PRKCZ: variants seen among roughly 807,000 people sequenced by gnomAD.
PRKCZ encodes protein kinase C zeta.
In PRKCZ, 33 loss-of-function variants were observed where a neutral mutation model predicts 79.5. The ratio of observed to expected loss-of-function variants is 0.41; its 90% confidence interval spans 0.31 to 0.55. The LOEUF (loss-of-function observed/expected upper bound fraction) is 0.55, where lower values mean the gene tolerates loss of function less well. Among genes scored for constraint, PRKCZ ranks in the 20% least tolerant of loss-of-function variants. The pLI is 0.19. For synonymous variants in PRKCZ, 342 were observed against 320.9 expected, an observed-to-expected ratio of 1.07 and a Z score of -0.70; for missense variants, 578 against 813.5, an observed-to-expected ratio of 0.71 and a Z score of 3.52.
chr1:2,182,231 C>G (rs1459146629), intron 16 of PRKCZ: 1 of 217,012 alleles, frequency 4.6e-6, no homozygotes, highest in South Asian at 5.7e-5. Context: ...TCTTGGCCCC[C>G]CTGGGCCCTG....
rs989919229 is a variant in PRKCZ at position 2,102,508 on chromosome 1, A to G, written c.335-32754A>G. 3.3e-5 allele frequency among the ~76,000 whole-genome samples: 5 copies of G among 151,000 alleles called. No individual in the cohort carries two copies. The East Asian group carries it at 7.9e-4, about 24-fold the overall frequency. ...CCACCACGTCCCGCTAATTTTTTGT[A>G]TTTTTAGTAGAGATGGGGTTTCACT... is the stretch of plus-strand genomic sequence containing the variant. On this transcript the variant is annotated intron_variant, in intron 4 of 17. Coordinates refer to ENST00000378567, the MANE Select transcript of PRKCZ (RefSeq NM_002744.6).
In PRKCZ at chr1:2,144,344, G is replaced by A; in HGVS notation, c.552+3G>A. 4 of 1,568,890 alleles carry A rather than the reference G, an allele frequency of 2.5e-6. No homozygotes were observed. The highest frequency in any genetic ancestry group is 3.5e-6 in the Non-Finnish European group (4 of 1,156,428). On this transcript the variant is annotated splice_donor_region_variant and intron_variant, in intron 6 of 17. Transcript: ENST00000378567. ...CGCTGACCTGCAGGAAGCATATGGT[G>A]AGTGGCAGGGCTGGGGAGGCCCGGG...
At chr1:2,134,352 G>A (rs1675715565) in intron 4 of PRKCZ, among the ~76,000 whole-genome samples, 1 of 152,054 alleles carries the variant, frequency 6.6e-6, no homozygotes, top group African/African-American at 2.4e-5. Flanking sequence ...TATATTTGTG[G>A]CACTTTCATT....
At chr1:2,109,662 C>T (rs1253060431) in intron 4 of PRKCZ, among the ~76,000 whole-genome samples, 1 of 152,160 alleles carries the variant, frequency 6.6e-6, no homozygotes, top group East Asian at 1.9e-4. Context: ...TGCGGCAGCT[C>T]ACGCCCACTG....
chr1:2,174,799 A>G lies in PRKCZ; in HGVS notation c.1451A>G (p.Lys484Arg), dbSNP rs1685123838. ...PIRIPRFLSV[K>R]ASHVLKGFLN... ...CGGATCCCCCGGTTCCTGTCCGTCA[A>G]AGCCTCCCATGTTTTAAAAGGATTT... Residue 484 changes from lysine (K) to arginine (R), a missense_variant, in exon 15 of 18, where the codon AAA becomes AGA. Transcript: ENST00000378567. This position sits in a 1 kb window ranked among gnomAD's most constrained non-coding sequence, Gnocchi z 6.2. The G allele has an allele frequency of 6.2e-7, 1 of 1,614,012 alleles. No homozygotes were observed. The highest frequency in any genetic ancestry group is 8.5e-7 in the Non-Finnish European group (1 of 1,180,018).
chr1:2,184,371 T>C (rs930562583), intron 16 of PRKCZ: 9 of 517,764 alleles, frequency 1.7e-5, no homozygotes, highest in Non-Finnish European at 2.4e-5. Flanking sequence ...TGGCCGACAC[T>C]GGCATTTCTC....
At chr1:2,147,286 A>T (rs1353098019) in intron 7 of PRKCZ, among the ~76,000 whole-genome samples, 4 of 149,062 alleles carry the variant, frequency 2.7e-5, no homozygotes, top group African/African-American at 1.0e-4. Flanking sequence ...TGACCTCTCC[A>T]CCCATCTATC....
chr1:2,183,223 TCAAAA>T (rs995731215), intron 16 of PRKCZ, among the ~76,000 whole-genome samples: 1 of 151,448 alleles, frequency 6.6e-6, no homozygotes, highest in Non-Finnish European at 1.5e-5. Context: ...AGAGCGAGTC[TCAAAA>T]CAAAAACAAA....
rs182067703 is a variant in PRKCZ at position 2,162,568 on chromosome 1, C to G, written c.974+6476C>G. On this transcript the variant is annotated intron_variant, in intron 10 of 17. Transcript: ENST00000378567. ...TTCACTCACATCCTCTTTCAGGAGA[C>G]TCTTGAAGTCTTCATGTGGTTTTCT... is the stretch of plus-strand genomic sequence containing the variant. 7.8e-3 allele frequency among the ~76,000 whole-genome samples: 1,182 copies of G among 152,296 alleles called. 7 individuals carry two copies. The highest frequency in any genetic ancestry group is 0.012 in the Non-Finnish European group (830 of 68,030).
chr1:2,121,745 G>A (rs1242474182), intron 4 of PRKCZ, among the ~76,000 whole-genome samples: 1 of 53,668 alleles, frequency 1.9e-5, no homozygotes, highest in African/African-American at 8.6e-5. Context: ...GGGTCACGGC[G>A]GTGGTTAGGG....
chr1:2,174,682 G>C lies in PRKCZ; in HGVS notation c.1406-72G>C, dbSNP rs550209066. On this transcript the variant is annotated intron_variant, in intron 14 of 17. Coordinates refer to ENST00000378567, the MANE Select transcript of PRKCZ (RefSeq NM_002744.6). The surrounding 1 kb of genome is among the most constrained non-coding windows in gnomAD (Gnocchi z 6.2). The stretch of plus-strand genomic sequence containing the variant: ...TGAGCTCCCAAAGCTCTTGCTCAGA[G>C]TCAGAGTCTGGGCGGCACTGGGCAA... 1.3e-6 allele frequency: 2 copies of C among 1,491,194 alleles called. No individual in the cohort carries two copies. The highest frequency in any genetic ancestry group is 1.9e-6 in the Non-Finnish European group (2 of 1,076,132). 92.4% of individuals were successfully genotyped at this position (1,491,194 alleles called of 1,614,324 possible).
chr1:2,159,307 G>A (rs1297183525), intron 10 of PRKCZ, among the ~76,000 whole-genome samples: 2 of 152,250 alleles, frequency 1.3e-5, no homozygotes, highest in South Asian at 2.1e-4. Context: ...GGGTGTGCTC[G>A]GCTGTGCCGC....
intron 4 of PRKCZ, among the ~76,000 whole-genome samples, chr1:2,120,293 G>GTTTTTTTTTTTTTTTTT (rs59518072): frequency 9.1e-5 from 3 of 32,834 alleles, no homozygotes; most frequent in Non-Finnish European, 1.7e-4. Flanking sequence ...TTGACTTTTC[G>GTTTTTTTTTTTTTTTTT]TTTTTTTTTT....
chr1:2,161,013 C>G (rs1178074476), intron 10 of PRKCZ, among the ~76,000 whole-genome samples: 2 of 152,078 alleles, frequency 1.3e-5, no homozygotes, highest in Admixed American at 1.3e-4. Flanking sequence ...GCAAGGACAG[C>G]CTCGGCCGCG....
chr1:2,072,905 T>C (rs1254820619), intron 4 of PRKCZ, among the ~76,000 whole-genome samples: 1 of 151,508 alleles, frequency 6.6e-6, no homozygotes, highest in African/African-American at 2.4e-5. Context: ...GAGTGCCGAG[T>C]GCGTTTGGGG....
Position 2,099,022 on chromosome 1 carries a change from CCGTTGTCTGTGCTGTGACTTCCGT to C in PRKCZ, c.335-36215_335-36192del, listed in dbSNP as rs1262590085. On this transcript the variant is annotated intron_variant, in intron 4 of 17. Coordinates refer to ENST00000378567, the MANE Select transcript of PRKCZ (RefSeq NM_002744.6). ...ACTGCTCTGGGCCTGATCGCATGCA[CCGTTGTCTGTGCTGTGACTTCCGT>C]CGTTGTCTGTGCTGTGACTTCCGTT... Among the ~76,000 whole-genome samples the C allele has an allele frequency of 2.5e-3, 384 of 152,200 alleles. 3 individuals are homozygous for C. The highest frequency in any genetic ancestry group is 9.0e-3 in the African/African-American group (372 of 41,530).
chr1:2,159,540 A>G (rs1399341732), intron 10 of PRKCZ, among the ~76,000 whole-genome samples: 1 of 152,214 alleles, frequency 6.6e-6, no homozygotes, highest in African/African-American at 2.4e-5. Flanking sequence ...GTTTCCACAC[A>G]AGTTTGGTTC....
In PRKCZ at chr1:2,173,782, G is replaced by C; in HGVS notation, c.1286-115G>C. ...AGTCACAGAGGCCTGTGTGCCGCCT[G>C]CTCAAGCCTGGCTCACACTCGTGTC... On this transcript the variant is annotated intron_variant, in intron 13 of 17. Coordinates refer to ENST00000378567, the MANE Select transcript of PRKCZ (RefSeq NM_002744.6). This position sits in a 1 kb window ranked among gnomAD's most constrained non-coding sequence, Gnocchi z 5.7. 7.0e-7 allele frequency: 1 copy of C among 1,435,554 alleles called. No homozygotes were observed. Among genetic ancestry groups the C allele is most frequent in the Non-Finnish European group, 9.3e-7 (1 of 1,080,134 alleles). The allele number at this position is 1,435,554 out of a possible 1,614,324, so 88.9% of individuals were successfully genotyped here.
At chr1:2,090,970 C>T (rs1010893195) in intron 4 of PRKCZ, among the ~76,000 whole-genome samples, 2 of 152,206 alleles carry the variant, frequency 1.3e-5, no homozygotes, top group African/African-American at 4.8e-5. Flanking sequence ...TTCAAACTGC[C>T]ACATGTACCA....
Sources: gnomAD v4.1 joint callset for allele counts (sites outside exome capture counted in the v4.1 genomes callset) on GRCh38, gnomAD v4.1.1 for gene constraint, Gnocchi (gnomAD v3.1) non-coding constraint, MANE v1.5 for transcripts, NCBI Gene and HGNC (gene_info 2026-07-23, HGNC 2026-07-21) for gene names.